The following CNTN4 variants were observed in gnomAD, a reference collection of about 807,000 sequenced individuals.
The protein encoded by CNTN4 is contactin-4.
CNTN4 carries 77 observed loss-of-function variants against 122.5 expected under a neutral mutation model. The ratio of observed to expected loss-of-function variants is 0.63; its 90% CI spans 0.52 to 0.76. The LOEUF is 0.76. CNTN4 is among the 30% of genes least tolerant of loss of function. The probability of loss-of-function intolerance (pLI) is 0.00; values close to 1 mark genes in which losing one functional copy is unlikely to be tolerated. For missense variants in CNTN4, 1,256 were observed against 1,259.1 expected (o/e 1.00, Z 0.04); for synonymous variants, 512 against 447.0 (o/e 1.15, Z -1.83).
At chr3:2,730,518 A>G (rs2088602009) in intron 4 of CNTN4, among the ~76,000 whole-genome samples, 1 of 152,200 alleles carries the variant, frequency 6.6e-6, no homozygotes, top group Admixed American at 6.5e-5. Flanking sequence ...TTGAGATTAG[A>G]TCTACTGCCT....
intron 3 of CNTN4, among the ~76,000 whole-genome samples, chr3:2,341,159 C>T (rs2044197019): frequency 6.6e-6 from 1 of 152,096 alleles, no homozygotes; most frequent in Non-Finnish European, 1.5e-5. Context: ...TCTTTTTATT[C>T]CACTTGAAAA....
intron 3 of CNTN4, among the ~76,000 whole-genome samples, chr3:2,535,848 T>A (rs1161061792): frequency 6.6e-6 from 1 of 152,176 alleles, no homozygotes; most frequent in African/African-American, 2.4e-5. Flanking sequence ...CTTTCAGTAG[T>A]ACACTTTCAA....
intron 2 of CNTN4, among the ~76,000 whole-genome samples, chr3:2,277,170 A>G (rs1005808290): frequency 2.0e-5 from 3 of 152,210 alleles, no homozygotes; most frequent in African/African-American, 7.2e-5. Context: ...ATAAGAGTTC[A>G]TAAAATCTTA....
intron 4 of CNTN4, among the ~76,000 whole-genome samples, chr3:2,722,591 C>T (rs2087931247): frequency 6.6e-6 from 1 of 152,194 alleles, no homozygotes; most frequent in Non-Finnish European, 1.5e-5. Context: ...CTTTTTACCT[C>T]ATCTTAAGAA....
chr3:2,480,244 A>G (rs1264500795), intron 3 of CNTN4, among the ~76,000 whole-genome samples: 2 of 152,194 alleles, frequency 1.3e-5, no homozygotes, highest in Non-Finnish European at 2.9e-5. Context: ...GCTTTTCAGC[A>G]TCATACTAGA....
At chr3:2,206,517 A>T (rs1335867058) in intron 2 of CNTN4, among the ~76,000 whole-genome samples, 4 of 147,724 alleles carry the variant, frequency 2.7e-5, no homozygotes, top group Non-Finnish European at 4.4e-5. Flanking sequence ...TTCTGAAAAA[A>T]ATAAGAAGAC....
At chr3:2,825,278 T>A (rs1323987195) in intron 7 of CNTN4, among the ~76,000 whole-genome samples, 1 of 152,016 alleles carries the variant, frequency 6.6e-6, no homozygotes, top group Non-Finnish European at 1.5e-5. Flanking sequence ...CAGGCTAGAG[T>A]GCAGTGGCGT....
intron 14 of CNTN4, among the ~76,000 whole-genome samples, chr3:3,006,081 G>A (rs1431260135): frequency 2.6e-5 from 4 of 151,906 alleles, no homozygotes; most frequent in East Asian, 1.9e-4. Context: ...GTAGAGACGG[G>A]GTTTCAGGAT....
chr3:2,626,633 TG>T (rs2082202118), intron 4 of CNTN4, among the ~76,000 whole-genome samples: 2 of 152,198 alleles, frequency 1.3e-5, no homozygotes, highest in South Asian at 4.1e-4. Flanking sequence ...TGGATTGGCT[TG>T]GAAGTGGTTA....
At position 2,823,826 on chromosome 3, in the gene CNTN4, A is replaced by T. The variant is rs921963424; in HGVS notation, c.454+4245A>T. Among the ~76,000 whole-genome samples, 3 of 152,294 alleles carry T rather than the reference A, an allele frequency of 2.0e-5. 1 individual carries two copies. Among genetic ancestry groups the T allele is most frequent in the South Asian group, 4.1e-4 (2 of 4,828 alleles). ...AGGTTTTTGTTCATGCCTTCATTTT[A>T]TGTCACCAAGATGCTTGCGACTCAA... On this transcript the variant is annotated intron_variant, in intron 7 of 24. Transcript: ENST00000418658.
chr3:2,684,005 A>G (rs1294987551), intron 4 of CNTN4, among the ~76,000 whole-genome samples: 1 of 152,202 alleles, frequency 6.6e-6, no homozygotes, highest in Non-Finnish European at 1.5e-5. Context: ...CGTTTAAAGA[A>G]TCAACCTTAC....
At chr3:2,621,137 A>G (rs998141517) in intron 4 of CNTN4, among the ~76,000 whole-genome samples, 2 of 137,038 alleles carry the variant, frequency 1.5e-5, no homozygotes, top group Non-Finnish European at 1.6e-5. Context: ...GGACACATAG[A>G]AAGTTCTCAG....
intron 2 of CNTN4, among the ~76,000 whole-genome samples, chr3:2,220,018 A>AT (rs2038999703): frequency 6.6e-6 from 1 of 152,124 alleles, no homozygotes; most frequent in Admixed American, 6.6e-5. Flanking sequence ...ATTGATCAAT[A>AT]TTTCAGTACT....
intron 8 of CNTN4, among the ~76,000 whole-genome samples, chr3:2,872,597 C>G (rs903720799): frequency 6.6e-6 from 1 of 151,884 alleles, no homozygotes; most frequent in East Asian, 1.9e-4. Flanking sequence ...TGAATATTAA[C>G]CCGAATTGGA....
At chr3:2,301,315 A>G (rs984376284) in intron 2 of CNTN4, among the ~76,000 whole-genome samples, 21 of 152,236 alleles carry the variant, frequency 1.4e-4, no homozygotes, top group African/African-American at 5.1e-4. Context: ...TGAATAATCT[A>G]TCTTAACCAT....
chr3:2,184,023 G>C (rs1340350982), intron 2 of CNTN4, among the ~76,000 whole-genome samples: 2 of 152,028 alleles, frequency 1.3e-5, no homozygotes, highest in Non-Finnish European at 2.9e-5. Flanking sequence ...CCAGGCTAGA[G>C]TGCAGCGGCG....
intron 3 of CNTN4, among the ~76,000 whole-genome samples, chr3:2,413,404 G>T (rs1431197283): frequency 3.3e-5 from 5 of 152,130 alleles, no homozygotes; most frequent in Non-Finnish European, 7.3e-5. Flanking sequence ...TCTTGATATT[G>T]GGAAAATGGT....
chr3:2,839,132 G>C (rs1442109279), intron 7 of CNTN4, among the ~76,000 whole-genome samples: 2 of 152,074 alleles, frequency 1.3e-5, no homozygotes, highest in African/African-American at 4.8e-5. Context: ...AGTCCTAATT[G>C]TTATGTCAAA....
At chr3:2,843,656 C>G (rs894450334) in intron 7 of CNTN4, among the ~76,000 whole-genome samples, 4 of 152,102 alleles carry the variant, frequency 2.6e-5, no homozygotes, top group Non-Finnish European at 4.4e-5. Context: ...GCACCTACCC[C>G]CCATCTCTTG....
Sources: allele counts gnomAD v4.1 joint callset (sites outside exome capture counted in the v4.1 genomes callset), GRCh38; gene constraint gnomAD v4.1.1; transcripts MANE v1.5; gene names NCBI Gene and HGNC (gene_info 2026-07-23, HGNC 2026-07-21).